KCNQ1: variants seen among roughly 807,000 people sequenced by gnomAD.
KCNQ1 encodes potassium voltage-gated channel subfamily KQT member 1.
Under a neutral mutation model 72.4 loss-of-function variants are expected in KCNQ1, and 49 were observed. The ratio of observed to expected loss-of-function variants is 0.68; its 90% CI spans 0.54 to 0.86. The LOEUF is 0.86. Among genes scored for constraint, KCNQ1 ranks in the 40% least tolerant of loss-of-function variants. The pLI is 0.00. For synonymous variants in KCNQ1, 450 were observed against 412.6 expected (o/e 1.09, Z -1.10); for missense variants, 790 against 945.1 (o/e 0.84, Z 2.15).
intron 15 of KCNQ1, among the ~76,000 whole-genome samples, chr11:2,811,619 CCTT>C (rs1427312680): frequency 2.6e-5 from 4 of 152,246 alleles, no homozygotes; most frequent in Non-Finnish European, 5.9e-5. Context: ...TGATCGTCCT[CCTT>C]CTGGGCTGCG....
chr11:2,774,286 C>T (rs192237271), intron 12 of KCNQ1, among the ~76,000 whole-genome samples: 35 of 152,376 alleles, frequency 2.3e-4, no homozygotes, highest in Admixed American at 1.4e-3. Context: ...AGTCCAACCC[C>T]ATGCCTGCCT....
chr11:2,571,480 G>T (rs1419846096), intron 4 of KCNQ1, 77 bp downstream of exon 4: 3 of 1,212,132 alleles, frequency 2.5e-6, no homozygotes, highest in Non-Finnish European at 3.6e-6. Flanking sequence ...GTGGTCTCAC[G>T]CCCCATCCAC....
intron 10 of KCNQ1, among the ~76,000 whole-genome samples, chr11:2,594,212 AAC>A (rs1425652026): frequency 2.0e-5 from 3 of 152,206 alleles, no homozygotes; most frequent in African/African-American, 4.8e-5. Context: ...GGGAGAAAGT[AAC>A]AGGTTAATAT....
At chr11:2,675,187 T>A (rs1197573468) in intron 11 of KCNQ1, 5 of 398,498 alleles carry the variant, frequency 1.3e-5, no homozygotes, top group Non-Finnish European at 2.2e-5. Context: ...TTAGGGCCCC[T>A]CTAGGTCAAT....
Position 2,593,763 on chromosome 11 carries a change from C to T in KCNQ1, c.1393+4909C>T, listed in dbSNP as rs769640016. On this transcript the variant is annotated intron_variant, in intron 10 of 15. Transcript: ENST00000155840. The surrounding 1 kb of genome is among the most constrained non-coding windows in gnomAD (Gnocchi z 6.9). Reference sequence around the variant, plus strand: ...TCAGGCTGTAGCCTCCTCCTGCTCCCGGCTCCGCGTCCTCAGCCCAACACA... The same window carrying T: ...TCAGGCTGTAGCCTCCTCCTGCTCCTGGCTCCGCGTCCTCAGCCCAACACA... Among the ~76,000 whole-genome samples the T allele has an allele frequency of 6.6e-5, 10 of 152,168 alleles. No homozygotes were observed. Among genetic ancestry groups the T allele is most frequent in the African/African-American group, 1.7e-4 (7 of 41,432 alleles).
chr11:2,695,211 G>A lies in KCNQ1; in HGVS notation c.1514+33130G>A, dbSNP rs778156701. On this transcript the variant is annotated intron_variant, in intron 11 of 15. Coordinates refer to ENST00000155840, the MANE Select transcript of KCNQ1 (RefSeq NM_000218.3). The surrounding 1 kb of genome is among the most constrained non-coding windows in gnomAD (Gnocchi z 5.2). ...CCTATGAAACACTGTCACCCTGTAA[G>A]GGTCTGCATAAAGTCACCGCTCTCT... 3.8e-4 allele frequency: 151 copies of A among 398,454 alleles called. No homozygotes were observed. The highest frequency in any genetic ancestry group is 4.9e-4 in the Non-Finnish European group (110 of 226,084). 24.7% of individuals were successfully genotyped at this position (398,454 alleles called of 1,614,324 possible). A position where few individuals can be genotyped will look rare whatever the true frequency, so the allele number is the denominator to read the frequency against.
intron 10 of KCNQ1, chr11:2,655,378 T>G: frequency 5.0e-6 from 2 of 398,640 alleles, no homozygotes; most frequent in East Asian, 7.1e-5. Flanking sequence ...CTTAGGAAAG[T>G]GTGACTTCAT....
At chr11:2,771,838 C>T (rs543080321) in intron 12 of KCNQ1, among the ~76,000 whole-genome samples, 1 of 152,192 alleles carries the variant, frequency 6.6e-6, no homozygotes, top group East Asian at 1.9e-4. Context: ...GTGAGCCCTG[C>T]ACTCCCTTCC....
At chr11:2,798,867 C>A (rs1334905695) in intron 15 of KCNQ1, among the ~76,000 whole-genome samples, 2 of 152,072 alleles carry the variant, frequency 1.3e-5, no homozygotes, top group Non-Finnish European at 2.9e-5. Context: ...TATGCATGTA[C>A]ATTTGCCTAA....
chr11:2,843,141 G>A lies in KCNQ1; in HGVS notation c.1795-4626G>A, dbSNP rs191318951. ...CAGGGCAGCTGCCCCAAGGCCTGGCGGTAAAACCTCAGCAGCGAGAAACAC... is the reference window on the plus strand; with the variant it reads ...CAGGGCAGCTGCCCCAAGGCCTGGCAGTAAAACCTCAGCAGCGAGAAACAC... On this transcript the variant is annotated intron_variant, in intron 15 of 15. Transcript: ENST00000155840. Among the ~76,000 whole-genome samples the A allele has an allele frequency of 2.7e-3, 404 of 152,330 alleles. 1 individual carries two copies. The highest frequency in any genetic ancestry group is 9.3e-3 in the African/African-American group (385 of 41,568).
In KCNQ1 at chr11:2,654,030, C is replaced by T. The variant is rs541469767; in HGVS notation, c.1394-7931C>T. Reference sequence around the variant, plus strand: ...GAATATACATTTTCACTCCATTCCTCGCCTTGTTCCTGGCAGCTGTTGTGG... The same window carrying T: ...GAATATACATTTTCACTCCATTCCTTGCCTTGTTCCTGGCAGCTGTTGTGG... On this transcript the variant is annotated intron_variant, in intron 10 of 15. Transcript: ENST00000155840. This position sits in a 1 kb window ranked among gnomAD's most constrained non-coding sequence, Gnocchi z 6.4. 3.8e-5 allele frequency: 15 copies of T among 398,714 alleles called. No homozygotes were observed. Among genetic ancestry groups the T allele is most frequent in the African/African-American group, 1.2e-4 (6 of 48,778 alleles). The allele number at this position is 398,714 out of a possible 1,614,324, so 24.7% of individuals were successfully genotyped here.
intron 2 of KCNQ1, among the ~76,000 whole-genome samples, chr11:2,531,764 GC>G (rs1847637438): frequency 6.6e-6 from 1 of 152,194 alleles, no homozygotes; most frequent in African/African-American, 2.4e-5. Flanking sequence ...AGAGACCCTG[GC>G]CGCCTCCCTT....
chr11:2,575,564 G>A (rs1332406693), intron 6 of KCNQ1, among the ~76,000 whole-genome samples: 2 of 152,228 alleles, frequency 1.3e-5, no homozygotes, highest in Non-Finnish European at 2.9e-5. Flanking sequence ...TTGCAACTGC[G>A]CCCTGAGCAG....
chr11:2,445,179 C>A lies in KCNQ1; in HGVS notation c.81C>A (p.Ser27Arg), dbSNP rs794728546. ...GCCTGCCAGGCGCCCGGCGGGGCAG[C>A]GCGGGCCTGGCCAAGAAGTGCCCCT... ...WGRLPGARRG[S>R]AGLAKKCPFS... Residue 27 changes from serine (S) to arginine (R), a missense_variant, in exon 1 of 16, where the codon AGC becomes AGA. Ser to Arg is a moderately radical substitution (Grantham distance 110, BLOSUM62 -1). Transcript: ENST00000155840. 8.8e-7 allele frequency: 1 copy of A among 1,140,424 alleles called. No homozygotes were observed. The highest frequency in any genetic ancestry group is 1.1e-6 in the Non-Finnish European group (1 of 925,674). 70.6% of individuals were successfully genotyped at this position (1,140,424 alleles called of 1,614,324 possible).
At chr11:2,753,888 T>TTTG (rs1426144563) in intron 11 of KCNQ1, among the ~76,000 whole-genome samples, 1 of 152,218 alleles carries the variant, frequency 6.6e-6, no homozygotes, top group Non-Finnish European at 1.5e-5. Flanking sequence ...GCTGGTTTTT[T>TTTG]TTGTTGTTGT....
In KCNQ1 at chr11:2,509,504, A is replaced by G. The variant is rs918463599; in HGVS notation, c.387-18424A>G. On this transcript the variant is annotated intron_variant, in intron 1 of 15. Transcript: ENST00000155840. The surrounding 1 kb of genome is among the most constrained non-coding windows in gnomAD (Gnocchi z 6.3). ...GAGTCTCTGTCCTGAGCAGAGACAG[A>G]GGAAGGCAGGGCAGCCTGCTCAGAG... Among the ~76,000 whole-genome samples, 2 of 152,124 alleles carry G rather than the reference A, an allele frequency of 1.3e-5. No homozygotes were observed. The highest frequency in any genetic ancestry group is 4.8e-5 in the African/African-American group (2 of 41,428).
rs1445901524 is a variant in KCNQ1, at chr11:2,816,650, A to G, written c.1795-31117A>G. On this transcript the variant is annotated intron_variant, in intron 15 of 15. Transcript: ENST00000155840. This position sits in a 1 kb window ranked among gnomAD's most constrained non-coding sequence, Gnocchi z 6.8. ...GGACCCTTTGACTCAAGGGCTAACC[A>G]TGATGTTTCATTAAGGGAGAAATGC... 2.4e-4 allele frequency among the ~76,000 whole-genome samples: 36 copies of G among 152,074 alleles called. No homozygotes were observed.
intron 1 of KCNQ1, among the ~76,000 whole-genome samples, chr11:2,472,614 G>A (rs1267446893): frequency 6.6e-6 from 1 of 151,540 alleles, no homozygotes; most frequent in Non-Finnish European, 1.5e-5. Flanking sequence ...TGGGAGGGGT[G>A]TCATGCGGGG....
chr11:2,671,539 T>C lies in KCNQ1; in HGVS notation c.1514+9458T>C, dbSNP rs534419432. The stretch of plus-strand genomic sequence containing the variant: ...GGATTTTTCAAAGGTTAATTTTGAC[T>C]CTGCCTGACTTATCTCCTAAGTCTT... On this transcript the variant is annotated intron_variant, in intron 11 of 15. Transcript: ENST00000155840. The surrounding 1 kb of genome is among the most constrained non-coding windows in gnomAD (Gnocchi z 4.7). The C allele has an allele frequency of 5.3e-5, 21 of 398,654 alleles. No individual in the cohort carries two copies. The highest frequency in any genetic ancestry group is 3.5e-4 in the African/African-American group (17 of 48,774). 24.7% of individuals were successfully genotyped at this position (398,654 alleles called of 1,614,324 possible).
Sources: gnomAD v4.1 joint callset for allele counts (sites outside exome capture counted in the v4.1 genomes callset) on GRCh38, gnomAD v4.1.1 for gene constraint, Gnocchi (gnomAD v3.1) non-coding constraint, MANE v1.5 for transcripts, NCBI Gene and HGNC (gene_info 2026-07-23, HGNC 2026-07-21) for gene names.